TNFRSF8: variants seen among roughly 807,000 people sequenced by gnomAD.
The protein encoded by TNFRSF8 is tumor necrosis factor receptor superfamily member 8.
A neutral mutation model predicts 70.8 loss-of-function variants in TNFRSF8; 26 were observed. That is an observed-to-expected ratio of 0.37 (90% CI 0.27 to 0.51). The LOEUF is 0.51. Among genes scored for constraint, TNFRSF8 ranks in the 20% least tolerant of loss-of-function variants. The pLI is 0.94. For synonymous variants in TNFRSF8, 356 were observed against 339.2 expected, an observed-to-expected ratio of 1.05 and a Z score of -0.54; for missense variants, 720 against 807.9, an observed-to-expected ratio of 0.89 and a Z score of 1.32.
rs1029487684 is a variant in TNFRSF8 at position 12,112,335 on chromosome 1, G to GC, written c.793+323dup. ...GGCTGGAGTTTGAACCCAGACAGGT[G>GC]CCACCAGGTTCCAGGTTCTCGTCCA... is the stretch of plus-strand genomic sequence containing the variant. On this transcript the variant is annotated intron_variant, in intron 7 of 14. Transcript: ENST00000263932. The surrounding 1 kb of genome is among the most constrained non-coding windows in gnomAD (Gnocchi z 5.3). 2.4e-4 allele frequency among the ~76,000 whole-genome samples: 37 copies of GC among 152,090 alleles called. No individual in the cohort carries two copies. Among genetic ancestry groups the GC allele is most frequent in the African/African-American group, 8.7e-4 (36 of 41,482 alleles).
At chr1:12,116,753 T>C (rs997294920) in intron 8 of TNFRSF8, among the ~76,000 whole-genome samples, 3 of 151,902 alleles carry the variant, frequency 2.0e-5, no homozygotes, top group African/African-American at 7.3e-5. Context: ...TGAGCCGAGA[T>C]TGCACCACTG....
chr1:12,097,640 G>A (rs1347310172), intron 3 of TNFRSF8, among the ~76,000 whole-genome samples: 2 of 152,014 alleles, frequency 1.3e-5, no homozygotes, highest in Non-Finnish European at 2.9e-5. Flanking sequence ...AAGATCACAG[G>A]ACTTCCAGGA....
rs1641595566 is a variant in TNFRSF8 at position 12,109,822 on chromosome 1, T to C, written c.512+166T>C. Among the ~76,000 whole-genome samples the C allele has an allele frequency of 6.6e-6, 1 of 152,056 alleles. No homozygotes were observed. The highest frequency in any genetic ancestry group is 2.4e-5 in the African/African-American group (1 of 41,392). On this transcript the variant is annotated intron_variant, in intron 5 of 14. Transcript: ENST00000263932. The surrounding 1 kb of genome is among the most constrained non-coding windows in gnomAD (Gnocchi z 4.4). ...CTCTCTGCCAAGCCCCTCAGATCATTTGAGGCCCTAGGGTGTGCCCAGCCC... is the reference window on the plus strand; with the variant it reads ...CTCTCTGCCAAGCCCCTCAGATCATCTGAGGCCCTAGGGTGTGCCCAGCCC...
intron 1 of TNFRSF8, among the ~76,000 whole-genome samples, chr1:12,067,421 G>T (rs1640761348): frequency 6.6e-6 from 1 of 152,160 alleles, no homozygotes; most frequent in African/African-American, 2.4e-5. Flanking sequence ...GGGCGCTGTG[G>T]CTCACACCTG....
intron 3 of TNFRSF8, among the ~76,000 whole-genome samples, chr1:12,102,358 TC>T: frequency 6.6e-6 from 1 of 152,150 alleles, no homozygotes. Context: ...CTTCAGAGAG[TC>T]CCCCTTGGCT....
rs766265540 is a variant in TNFRSF8 at position 12,109,572 on chromosome 1, C to T, written c.428C>T (p.Ala143Val). The change falls in exon 5 of 15, where the codon GCG (alanine) becomes GTG (valine). Residue 143 changes from alanine (A) to valine (V), a missense_variant. By Grantham distance (64) the Ala-to-Val change is moderately conservative. Transcript: ENST00000263932. This position sits in a 1 kb window ranked among gnomAD's most constrained non-coding sequence, Gnocchi z 4.4. ...AGMIVKFPGT[A>V]QKNTVCEPAS... ...ACTGCTGTCCCCCCTGCAGGCACGGCGCAGAAGAACACGGTCTGTGAGCCG... is the reference window on the plus strand; with the variant it reads ...ACTGCTGTCCCCCCTGCAGGCACGGTGCAGAAGAACACGGTCTGTGAGCCG... 1.9e-6 allele frequency: 3 copies of T among 1,613,436 alleles called. No individual in the cohort carries two copies. Among genetic ancestry groups the T allele is most frequent in the Non-Finnish European group, 2.5e-6 (3 of 1,179,808 alleles).
rs1641587285 is a variant in TNFRSF8 at position 12,109,555 on chromosome 1, C to T, written c.422-11C>T. 6.2e-7 allele frequency: 1 copy of T among 1,610,600 alleles called. No homozygotes were observed. Among genetic ancestry groups the T allele is most frequent in the Non-Finnish European group, 8.5e-7 (1 of 1,177,548 alleles). On this transcript the variant is annotated splice_polypyrimidine_tract_variant and intron_variant, in intron 4 of 14. Transcript: ENST00000263932. The surrounding 1 kb of genome is among the most constrained non-coding windows in gnomAD (Gnocchi z 4.4). Reference sequence around the variant, plus strand: ...ACACTGATTCTGAAGGCACTGCTGTCCCCCCTGCAGGCACGGCGCAGAAGA... The same window carrying T: ...ACACTGATTCTGAAGGCACTGCTGTTCCCCCTGCAGGCACGGCGCAGAAGA...
chr1:12,069,931 G>A (rs1278378768), intron 1 of TNFRSF8, among the ~76,000 whole-genome samples: 1 of 152,184 alleles, frequency 6.6e-6, no homozygotes, highest in East Asian at 1.9e-4. Context: ...TGGGAGATTA[G>A]CAGAAAAGCA....
Position 12,144,098 on chromosome 1 carries a change from T to C in TNFRSF8, c.*1567T>C, listed in dbSNP as rs1642314102. 2.6e-5 allele frequency: 4 copies of C among 152,230 alleles called. No homozygotes were observed. In the South Asian group the frequency reaches 8.3e-4, roughly 32 times the overall value. The allele number at this position is 152,230 out of a possible 1,614,324, so 9.4% of individuals were successfully genotyped here. A position where few individuals can be genotyped will look rare whatever the true frequency, so the allele number is the denominator to read the frequency against. On this transcript the variant is annotated 3_prime_UTR_variant, in exon 15 of 15. Coordinates refer to ENST00000263932, the MANE Select transcript of TNFRSF8 (RefSeq NM_001243.5). ...GCCAGGCAGGGCAGTCTGGCGCCCA[T>C]GATGGGAGGGATTGACATGTTTCAA... is the stretch of plus-strand genomic sequence containing the variant.
chr1:12,106,500 T>C (rs1358041602), intron 4 of TNFRSF8, among the ~76,000 whole-genome samples: 1 of 152,202 alleles, frequency 6.6e-6, no homozygotes, highest in Non-Finnish European at 1.5e-5. Context: ...GGCTGGAAGC[T>C]TCCTGAGGGC....
intron 13 of TNFRSF8, 73 bp downstream of exon 13, chr1:12,135,686 G>A: frequency 6.3e-7 from 1 of 1,589,932 alleles, no homozygotes; most frequent in East Asian, 2.3e-5. Flanking sequence ...CAGATCTGAA[G>A]TTTTGAGAGC....
rs1017618053 is a variant in TNFRSF8, at chr1:12,143,621, C to G, written c.*1090C>G. 1 of 152,272 alleles carries G rather than the reference C, an allele frequency of 6.6e-6. No individual in the cohort carries two copies. The highest frequency in any genetic ancestry group is 2.1e-4 in the South Asian group (1 of 4,834). 9.4% of individuals were successfully genotyped at this position (152,272 alleles called of 1,614,324 possible). A position where few individuals can be genotyped will look rare whatever the true frequency, so the allele number is the denominator to read the frequency against. ...TTACTCTGGACCATAGGAAACAAGA[C>G]CGTTTGGAGGTTTCATCAGGATTTT... On this transcript the variant is annotated 3_prime_UTR_variant, in exon 15 of 15. Coordinates refer to ENST00000263932, the MANE Select transcript of TNFRSF8 (RefSeq NM_001243.5). The surrounding 1 kb of genome is among the most constrained non-coding windows in gnomAD (Gnocchi z 4.1).
intron 8 of TNFRSF8, among the ~76,000 whole-genome samples, chr1:12,120,632 A>T (rs1641811750): frequency 6.6e-6 from 1 of 152,230 alleles, no homozygotes; most frequent in Admixed American, 6.5e-5. Flanking sequence ...GTTTGGATTT[A>T]AAGAGAAGTA....
Position 12,143,746 on chromosome 1 carries a change from T to C in TNFRSF8, c.*1215T>C, listed in dbSNP as rs1557611771. On this transcript the variant is annotated 3_prime_UTR_variant, in exon 15 of 15. Transcript: ENST00000263932. This position sits in a 1 kb window ranked among gnomAD's most constrained non-coding sequence, Gnocchi z 4.1. ...TTCAGACGTGTATGCAAATGAGTGA[T>C]GGATAAGGATGAGTCTTGGAGTTGC... 6.6e-6 allele frequency: 1 copy of C among 152,158 alleles called. No individual in the cohort carries two copies. Among genetic ancestry groups the C allele is most frequent in the Non-Finnish European group, 1.5e-5 (1 of 68,026 alleles). 9.4% of individuals were successfully genotyped at this position (152,158 alleles called of 1,614,324 possible).
In TNFRSF8 at chr1:12,112,569, T is replaced by A. The variant is rs555734776; in HGVS notation, c.793+555T>A. Among the ~76,000 whole-genome samples, 1 of 152,214 alleles carries A rather than the reference T, an allele frequency of 6.6e-6. No individual in the cohort carries two copies. The highest frequency in any genetic ancestry group is 2.1e-4 in the South Asian group (1 of 4,816). On this transcript the variant is annotated intron_variant, in intron 7 of 14. Coordinates refer to ENST00000263932, the MANE Select transcript of TNFRSF8 (RefSeq NM_001243.5). This position sits in a 1 kb window ranked among gnomAD's most constrained non-coding sequence, Gnocchi z 5.3. ...CATGCCTGGCTAATTAAAAAAAATTTTTTTTCATACAGATGGGGGTCTCAC... is the reference window on the plus strand; with the variant it reads ...CATGCCTGGCTAATTAAAAAAAATTATTTTTCATACAGATGGGGGTCTCAC...
At chr1:12,111,800 G>T in intron 6 of TNFRSF8, 98 bp from the exon 7 acceptor site, 1 of 943,492 alleles carries the variant, frequency 1.1e-6, no homozygotes, top group Non-Finnish European at 1.7e-6. Context: ...GAGTTTGGGA[G>T]CTGGCCACGG....
chr1:12,102,288 C>T (rs141893835), intron 3 of TNFRSF8, among the ~76,000 whole-genome samples: 10 of 152,280 alleles, frequency 6.6e-5, no homozygotes, highest in African/African-American at 1.4e-4. Context: ...TGCGGGAAGA[C>T]GCGTGGCCTC....
At chr1:12,096,585 C>T (rs1223662624) in intron 2 of TNFRSF8, among the ~76,000 whole-genome samples, 2 of 152,102 alleles carry the variant, frequency 1.3e-5, no homozygotes, top group Non-Finnish European at 2.9e-5. Context: ...AAAGTTATGG[C>T]TCTCCTAATT....
Position 12,084,561 on chromosome 1 carries a change from G to A in TNFRSF8, c.151+10G>A. ...TACCGCTGCCCCATGGGTGAGTGGGGGCGTTGGGGGTGGGGAGAAGGGGGG... is the reference window on the plus strand; with the variant it reads ...TACCGCTGCCCCATGGGTGAGTGGGAGCGTTGGGGGTGGGGAGAAGGGGGG... On this transcript the variant is annotated intron_variant, in intron 2 of 14. Transcript: ENST00000263932. The A allele has an allele frequency of 6.2e-7, 1 of 1,613,588 alleles. No individual in the cohort carries two copies. Among genetic ancestry groups the A allele is most frequent in the Non-Finnish European group, 8.5e-7 (1 of 1,179,570 alleles).
Sources: gnomAD v4.1 joint callset for allele counts (sites outside exome capture counted in the v4.1 genomes callset) on GRCh38, gnomAD v4.1.1 for gene constraint, Gnocchi (gnomAD v3.1) non-coding constraint, MANE v1.5 for transcripts, NCBI Gene and HGNC (gene_info 2026-07-23, HGNC 2026-07-21) for gene names.